MTUS2: variants seen among roughly 807,000 people sequenced by gnomAD.
The protein encoded by MTUS2 is microtubule-associated tumor suppressor candidate 2.
A neutral mutation model predicts 114.1 loss-of-function variants in MTUS2; 40 were observed. The ratio of observed to expected loss-of-function variants is 0.35; its 90% CI spans 0.27 to 0.46. The LOEUF (loss-of-function observed/expected upper bound fraction) is 0.46. Among genes scored for constraint, MTUS2 ranks in the 20% least tolerant of loss-of-function variants. The pLI is 1.00. For synonymous variants in MTUS2, 688 were observed against 672.0 expected, an observed-to-expected ratio of 1.02 and a Z score of -0.37; for missense variants, 1,679 against 1,705.4, an observed-to-expected ratio of 0.98 and a Z score of 0.27.
intron 9 of MTUS2, 173 bp from the exon 10 acceptor site, chr13:29,479,977 G>T: frequency 1.7e-6 from 1 of 592,974 alleles, no homozygotes. Context: ...GGTCTGTTGT[G>T]AGGATCTAAT....
At chr13:29,009,152 A>G (rs2138414223) in intron 2 of MTUS2, among the ~76,000 whole-genome samples, 1 of 151,714 alleles carries the variant, frequency 6.6e-6, no homozygotes, top group East Asian at 1.9e-4. Context: ...TTTCTATAGC[A>G]CCCTATACTT....
intron 2 of MTUS2, among the ~76,000 whole-genome samples, chr13:28,972,994 A>G (rs898945086): frequency 6.6e-6 from 1 of 152,120 alleles, no homozygotes; most frequent in African/African-American, 2.4e-5. Flanking sequence ...CTCTTATTAT[A>G]TATGTATATA....
chr13:29,376,945 GAA>G (rs1346531204), intron 8 of MTUS2, among the ~76,000 whole-genome samples: 4 of 37,672 alleles, frequency 1.1e-4, no homozygotes, highest in Non-Finnish European at 2.5e-4. Flanking sequence ...GATGTAACAT[GAA>G]ACCACAAATG....
At position 29,153,260 on chromosome 13, in the gene MTUS2, GC is replaced by G. The variant is rs367834068; in HGVS notation, c.2644+52292del. On this transcript the variant is annotated intron_variant, in intron 5 of 15. Transcript: ENST00000612955. ...GCAGGTCCTGTTAACCTACCATCAG[GC>G]CTAGAGAGACCTCAGAAGTTAAAAA... Among the ~76,000 whole-genome samples, 20 of 152,232 alleles carry G rather than the reference GC, an allele frequency of 1.3e-4. 1 individual carries two copies. In the East Asian group the frequency reaches 2.3e-3, roughly 18 times the overall value.
At chr13:28,888,974 T>C (rs1878758829) in intron 2 of MTUS2, among the ~76,000 whole-genome samples, 2 of 152,200 alleles carry the variant, frequency 1.3e-5, no homozygotes, top group Non-Finnish European at 2.9e-5. Flanking sequence ...TATGCTAGCA[T>C]GAACCATCCC....
intron 1 of MTUS2, among the ~76,000 whole-genome samples, chr13:28,834,291 C>T (rs374010263): frequency 9.2e-5 from 14 of 151,988 alleles, no homozygotes; most frequent in African/African-American, 1.9e-4. Flanking sequence ...ACAAAACTAC[C>T]GTAATAAAGA....
At chr13:29,098,117 C>G (rs1890252894) in intron 4 of MTUS2, among the ~76,000 whole-genome samples, 1 of 152,128 alleles carries the variant, frequency 6.6e-6, no homozygotes, top group Non-Finnish European at 1.5e-5. Context: ...CTCTTGAGCT[C>G]TACTCCAGAC....
At chr13:29,339,786 C>G (rs4997659) in intron 7 of MTUS2, 30,198 of 158,292 alleles carry the variant, frequency 0.19, 3,036 homozygotes, top group Non-Finnish European at 0.22. Flanking sequence ...CAGCGCTTCC[C>G]ATTGACGTAG....
intron 5 of MTUS2, among the ~76,000 whole-genome samples, chr13:29,233,055 A>C (rs955020708): frequency 6.6e-6 from 1 of 152,238 alleles, no homozygotes; most frequent in Non-Finnish European, 1.5e-5. Flanking sequence ...GTCATGTGAA[A>C]GCAGAGTTAG....
intron 6 of MTUS2, among the ~76,000 whole-genome samples, chr13:29,287,305 C>A (rs548797388): frequency 1.0e-3 from 154 of 152,276 alleles, no homozygotes; most frequent in Non-Finnish European, 1.9e-3. Context: ...GGGCGATGCC[C>A]AGGGCTTTGT....
At chr13:28,880,357 A>T (rs1314185736) in intron 2 of MTUS2, among the ~76,000 whole-genome samples, 33 of 152,226 alleles carry the variant, frequency 2.2e-4, no homozygotes, top group Admixed American at 2.2e-3. Context: ...CTGAATATTT[A>T]TGAAACACAG....
At chr13:28,869,632 G>A (rs533178874) in intron 2 of MTUS2, among the ~76,000 whole-genome samples, 94 of 152,206 alleles carry the variant, frequency 6.2e-4, no homozygotes, top group African/African-American at 2.0e-3. Context: ...TTAGCTGGGC[G>A]TGGTGGTGCG....
At chr13:29,471,312 C>T (rs566602368) in intron 9 of MTUS2, among the ~76,000 whole-genome samples, 163 of 152,184 alleles carry the variant, frequency 1.1e-3, no homozygotes, top group Middle Eastern at 3.4e-3. Context: ...CACTGCACTC[C>T]AGCAACAGAG....
intron 4 of MTUS2, among the ~76,000 whole-genome samples, chr13:29,057,832 T>C (rs775226630): frequency 6.6e-5 from 10 of 152,192 alleles, no homozygotes; most frequent in Non-Finnish European, 1.2e-4. Context: ...GGTTTGATCC[T>C]GTATTTGTGG....
At chr13:28,948,227 G>A (rs1882632633) in intron 2 of MTUS2, among the ~76,000 whole-genome samples, 2 of 152,108 alleles carry the variant, frequency 1.3e-5, no homozygotes, top group Admixed American at 6.6e-5. Context: ...ACTCACTTGT[G>A]TGACTTCTGT....
At chr13:29,350,617 A>C (rs1370855302) in intron 7 of MTUS2, among the ~76,000 whole-genome samples, 2 of 151,954 alleles carry the variant, frequency 1.3e-5, no homozygotes, top group Non-Finnish European at 1.5e-5. Context: ...CATGATGTTC[A>C]TGGTTGTTAT....
intron 8 of MTUS2, among the ~76,000 whole-genome samples, chr13:29,369,957 A>G (rs1871068025): frequency 6.6e-6 from 1 of 152,238 alleles, no homozygotes; most frequent in African/African-American, 2.4e-5. Flanking sequence ...GAAACAAACA[A>G]GTGCAATAAA....
At chr13:29,501,339 C>A (rs1056939641) in intron 15 of MTUS2, 145 bp downstream of exon 15, 1 of 642,956 alleles carries the variant, frequency 1.6e-6, no homozygotes, top group Non-Finnish European at 2.7e-6. Context: ...CAAGAACAAA[C>A]CCCTGCGGCC....
chr13:29,417,569 A>G (rs1875758334), intron 8 of MTUS2, among the ~76,000 whole-genome samples: 2 of 151,940 alleles, frequency 1.3e-5, no homozygotes, highest in Non-Finnish European at 2.9e-5. Flanking sequence ...TTTTCATGTT[A>G]GTTTATCTTA....
Sources: allele counts gnomAD v4.1 joint callset (sites outside exome capture counted in the v4.1 genomes callset), GRCh38; gene constraint gnomAD v4.1.1; transcripts MANE v1.5; gene names NCBI Gene and HGNC (gene_info 2026-07-23, HGNC 2026-07-21).